SETD2: variants seen among roughly 807,000 people sequenced by gnomAD.
The protein encoded by SETD2 is histone-lysine N-methyltransferase SETD2.
Under a neutral mutation model 242.1 loss-of-function variants are expected in SETD2, and 31 were observed. The observed-to-expected ratio is 0.13, with a 90% CI of 0.10 to 0.17. The LOEUF (loss-of-function observed/expected upper bound fraction) is 0.17, where lower values mean the gene tolerates loss of function less well. Among genes scored for constraint, SETD2 ranks in the 10% least tolerant of loss-of-function variants. The pLI, the probability that SETD2 is intolerant of heterozygous loss-of-function variation, is 1.00. For missense variants in SETD2, 2,481 were observed against 3,046.3 expected (o/e 0.81, Z 4.37); for synonymous variants, 1,006 against 1,066.5 (o/e 0.94, Z 1.11).
At chr3:47,116,519 C>CAT in intron 4 of SETD2, 104 bp downstream of exon 4, 1 of 1,176,016 alleles carries the variant, frequency 8.5e-7, no homozygotes, top group Non-Finnish European at 1.2e-6. Flanking sequence ...TGTAGTCATC[C>CAT]ATAGGTAGGA....
chr3:47,116,499 C>T, intron 4 of SETD2, 124 bp downstream of exon 4: 1 of 874,874 alleles, frequency 1.1e-6, no homozygotes, highest in Non-Finnish European at 1.7e-6. Context: ...GTCTACTATA[C>T]TTTTTTGCTT....
Position 47,017,348 on chromosome 3 carries a change from C to A in SETD2, c.7534-94G>T. Reference sequence around the variant, plus strand: ...GGGGTGGTAATCCAGCCTGCTGCTTCAGGGCCCTTCTCACCAAGACAGGAA... The same window carrying A: ...GGGGTGGTAATCCAGCCTGCTGCTTAAGGGCCCTTCTCACCAAGACAGGAA... On this transcript the variant is annotated intron_variant, in intron 20 of 20. Transcript: ENST00000409792. The surrounding 1 kb of genome is among the most constrained non-coding windows in gnomAD (Gnocchi z 4.8). The A allele has an allele frequency of 7.4e-7, 1 of 1,355,986 alleles. No homozygotes were observed. Among genetic ancestry groups the A allele is most frequent in the Non-Finnish European group, 1.0e-6 (1 of 978,716 alleles). The allele number at this position is 1,355,986 out of a possible 1,614,324, so 84.0% of individuals were successfully genotyped here.
chr3:47,163,945 G>T lies in SETD2; in HGVS notation c.-21C>A. Reference sequence around the variant, plus strand: ...TTCATCGGGAGCGGCTGGAGACGGCGACGCGAGCCCCCTCCCCGCAGCAGG... The same window carrying T: ...TTCATCGGGAGCGGCTGGAGACGGCTACGCGAGCCCCCTCCCCGCAGCAGG... On this transcript the variant is annotated 5_prime_UTR_variant, in exon 1 of 21. Transcript: ENST00000409792. 7.8e-7 allele frequency: 1 copy of T among 1,280,838 alleles called. No homozygotes were observed. Among genetic ancestry groups the T allele is most frequent in the Non-Finnish European group, 9.9e-7 (1 of 1,008,050 alleles). 79.3% of individuals were successfully genotyped at this position (1,280,838 alleles called of 1,614,324 possible).
intron 8 of SETD2, among the ~76,000 whole-genome samples, chr3:47,099,397 G>GA (rs2042122450): frequency 6.6e-6 from 1 of 152,046 alleles, no homozygotes; most frequent in South Asian, 2.1e-4. Context: ...TAATTGTACT[G>GA]GTTTCTTAAT....
intron 19 of SETD2, among the ~76,000 whole-genome samples, chr3:47,018,443 C>G (rs2038074330): frequency 1.3e-5 from 2 of 152,136 alleles, no homozygotes; most frequent in South Asian, 4.1e-4. Flanking sequence ...TCAGAGAGCA[C>G]TTTGAACAAA....
At chr3:47,087,825 T>C (rs1365264046) in intron 10 of SETD2, among the ~76,000 whole-genome samples, 2 of 149,868 alleles carry the variant, frequency 1.3e-5, no homozygotes, top group African/African-American at 2.5e-5. Context: ...AAAAATCAGC[T>C]GGGCGTGGTG....
chr3:47,119,033 C>A (rs554755379), intron 3 of SETD2, among the ~76,000 whole-genome samples: 52 of 152,196 alleles, frequency 3.4e-4, no homozygotes, highest in African/African-American at 1.2e-3. Flanking sequence ...AAAATTAAGT[C>A]TTTTACCTTA....
intron 3 of SETD2, chr3:47,119,368 G>A (rs963218223): frequency 2.0e-5 from 3 of 152,048 alleles, no homozygotes; most frequent in African/African-American, 7.3e-5. Flanking sequence ...TTACACTATT[G>A]CCAGATTTAA....
rs1440771322 is a variant in SETD2 at position 47,080,772 on chromosome 3, T to C, written c.6060+2948A>G. The C allele has an allele frequency of 1.2e-5, 12 of 985,094 alleles. No homozygotes were observed. The South Asian group carries it at 5.2e-4, about 42-fold the overall frequency. 61.0% of individuals were successfully genotyped at this position (985,094 alleles called of 1,614,324 possible). On this transcript the variant is annotated intron_variant, in intron 12 of 20. Coordinates refer to ENST00000409792, the MANE Select transcript of SETD2 (RefSeq NM_014159.7). ...TTGTGGAGTCAAGGCAGTGGTCCTG[T>C]GTATATAGGTATAGAAAAAGTAGCT...
intron 16 of SETD2, among the ~76,000 whole-genome samples, chr3:47,043,569 T>C (rs1302570601): frequency 5.3e-5 from 8 of 152,238 alleles, no homozygotes; most frequent in Non-Finnish European, 1.0e-4. Flanking sequence ...CACAAGGATA[T>C]ATACTTGTTC....
chr3:47,102,428 G>C (rs2042248949), intron 7 of SETD2, among the ~76,000 whole-genome samples: 1 of 152,226 alleles, frequency 6.6e-6, no homozygotes, highest in Admixed American at 6.5e-5. Flanking sequence ...ACTCAAAAGT[G>C]CTATTTCAAC....
intron 15 of SETD2, among the ~76,000 whole-genome samples, chr3:47,052,921 G>C (rs1304475199): frequency 2.6e-5 from 4 of 151,534 alleles, no homozygotes. Context: ...ACAGAGTCTC[G>C]CTCTGTCTCC....
chr3:47,105,903 C>CAAAA (rs55987628), intron 6 of SETD2, 94 bp downstream of exon 6: 83 of 967,332 alleles, frequency 8.6e-5, no homozygotes, highest in Middle Eastern at 6.2e-4. Context: ...ACTCCGTCTC[C>CAAAA]AAAAAAAAAA....
At chr3:47,133,857 CTG>C (rs2043535291) in intron 1 of SETD2, among the ~76,000 whole-genome samples, 1 of 152,122 alleles carries the variant, frequency 6.6e-6, no homozygotes, top group Admixed American at 6.6e-5. Flanking sequence ...AAACTAGACT[CTG>C]GAGTATGAGA....
At chr3:47,027,336 C>CAAAAAAAAAAAA (rs145911577) in intron 18 of SETD2, among the ~76,000 whole-genome samples, 2 of 103,736 alleles carry the variant, frequency 1.9e-5, no homozygotes, top group Non-Finnish European at 1.7e-5. Context: ...GACTCCATCT[C>CAAAAAAAAAAAA]AAAAAAAAAA....
intron 15 of SETD2, among the ~76,000 whole-genome samples, chr3:47,052,040 G>A (rs1399874273): frequency 6.6e-6 from 1 of 152,118 alleles, no homozygotes; most frequent in Non-Finnish European, 1.5e-5. Flanking sequence ...GCTTTTAACA[G>A]TATTAATTTG....
At chr3:47,072,350 T>G (rs2040860555) in intron 12 of SETD2, among the ~76,000 whole-genome samples, 2 of 152,138 alleles carry the variant, frequency 1.3e-5, no homozygotes, top group Admixed American at 6.6e-5. Flanking sequence ...GATTTCCACC[T>G]TTTGTTATAT....
chr3:47,128,866 G>A (rs2043411701), intron 1 of SETD2, among the ~76,000 whole-genome samples: 1 of 152,082 alleles, frequency 6.6e-6, no homozygotes, highest in Non-Finnish European at 1.5e-5. Flanking sequence ...TATTCAATTT[G>A]ATTTAAATTA....
chr3:47,062,899 C>T (rs1412657427), intron 13 of SETD2, among the ~76,000 whole-genome samples: 1 of 152,064 alleles, frequency 6.6e-6, no homozygotes, highest in Non-Finnish European at 1.5e-5. Context: ...GCTATGATTG[C>T]ACCACTGCAG....
Sources: allele counts gnomAD v4.1 joint callset (sites outside exome capture counted in the v4.1 genomes callset), GRCh38; gene constraint gnomAD v4.1.1; non-coding constraint Gnocchi (gnomAD v3.1); transcripts MANE v1.5; gene names NCBI Gene and HGNC (gene_info 2026-07-23, HGNC 2026-07-21).